The following ELAPOR2 variants were observed in gnomAD, a reference collection of about 807,000 sequenced individuals.
ELAPOR2 encodes the protein endosome/lysosome-associated apoptosis and autophagy regulator family member 2.
Under a neutral mutation model 120.7 loss-of-function variants are expected in ELAPOR2, and 89 were observed. The observed-to-expected ratio is 0.74, with a 90% CI of 0.62 to 0.88. ELAPOR2 has a LOEUF of 0.88. Ranked by LOEUF, ELAPOR2 falls within the 40% of genes least tolerant of loss-of-function variation. ELAPOR2 has a pLI of 0.00. For missense variants in ELAPOR2, 1,134 were observed against 1,251.6 expected, an observed-to-expected ratio of 0.91 and a Z score of 1.42; for synonymous variants, 444 against 444.9, an observed-to-expected ratio of 1.00 and a Z score of 0.03.
chr7:86,980,970 G>C (rs1426212867), intron 1 of ELAPOR2, among the ~76,000 whole-genome samples: 1 of 152,086 alleles, frequency 6.6e-6, no homozygotes, highest in African/African-American at 2.4e-5. Context: ...GACCTTTCTG[G>C]ACTGTATCAC....
chr7:86,924,058 T>C (rs1789947878), intron 10 of ELAPOR2, among the ~76,000 whole-genome samples: 1 of 152,004 alleles, frequency 6.6e-6, no homozygotes. Flanking sequence ...GCCTCTCCAT[T>C]TCACCCTCGT....
Position 86,926,380 on chromosome 7 carries a change from G to A in ELAPOR2, c.1270+356C>T, listed in dbSNP as rs1322872188. Among the ~76,000 whole-genome samples the A allele has an allele frequency of 2.6e-5, 4 of 151,946 alleles. No homozygotes were observed. In the East Asian group the frequency reaches 7.7e-4, roughly 29 times the overall value. On this transcript the variant is annotated intron_variant, in intron 9 of 21. Transcript: ENST00000450689. ...TAAATGTCCTTCTCAATGATGATGA[G>A]CCAGATATTATCCACCATCCTACAG... is the stretch of plus-strand genomic sequence containing the variant.
chr7:86,999,936 C>T (rs941843061), intron 1 of ELAPOR2, among the ~76,000 whole-genome samples: 1 of 152,040 alleles, frequency 6.6e-6, no homozygotes, highest in African/African-American at 2.4e-5. Context: ...AATGTCAACA[C>T]CTAGAAAAGA....
chr7:86,990,741 A>T (rs554520980), intron 1 of ELAPOR2, among the ~76,000 whole-genome samples: 24 of 152,326 alleles, frequency 1.6e-4, no homozygotes, highest in Admixed American at 1.5e-3. Context: ...AAAGTTAGAG[A>T]AATAGCTAGT....
At chr7:86,953,012 C>G (rs1312914884) in intron 2 of ELAPOR2, among the ~76,000 whole-genome samples, 1 of 150,964 alleles carries the variant, frequency 6.6e-6, no homozygotes, top group Non-Finnish European at 1.5e-5. Context: ...ATGAGAATTG[C>G]TTGAGCCTGG....
Position 86,897,559 on chromosome 7 carries a change from A to T in ELAPOR2, c.2632T>A (p.Cys878Ser). The T allele has an allele frequency of 6.2e-7, 1 of 1,613,354 alleles. No individual in the cohort carries two copies. Among genetic ancestry groups the T allele is most frequent in the Non-Finnish European group, 8.5e-7 (1 of 1,179,524 alleles). ...LWESAEACPL[C>S]TEHDFHEIEG... ...ATCTCATGGAAGTCATGCTCCGTAC[A>T]CAGAGGGCAAGCTTCAGCACTCTCC... Residue 878 changes from cysteine to serine, a missense_variant, in exon 19 of 22, where the codon TGT (cysteine) becomes AGT (serine). This residue lies in a region of ELAPOR2 where 831 missense variants were observed against 867.6 expected (regional missense o/e 0.96). Coordinates refer to ENST00000450689, the MANE Select transcript of ELAPOR2 (RefSeq NM_001142749.3).
At chr7:86,968,983 A>G (rs1248708890) in intron 1 of ELAPOR2, among the ~76,000 whole-genome samples, 3 of 152,198 alleles carry the variant, frequency 2.0e-5, no homozygotes, top group African/African-American at 7.2e-5. Context: ...TGCATTGTAA[A>G]TATATGGAAA....
At chr7:87,052,048 T>A (rs1043552828) in intron 1 of ELAPOR2, among the ~76,000 whole-genome samples, 2 of 152,216 alleles carry the variant, frequency 1.3e-5, no homozygotes, top group Non-Finnish European at 2.9e-5. Flanking sequence ...TTTAAGGAGT[T>A]TCTAAGACAC....
chr7:86,966,165 C>G (rs781433308), intron 1 of ELAPOR2, among the ~76,000 whole-genome samples: 3 of 152,144 alleles, frequency 2.0e-5, no homozygotes, highest in Non-Finnish European at 4.4e-5. Context: ...GCTTGGAAAT[C>G]TGCTCAGCTA....
intron 16 of ELAPOR2, among the ~76,000 whole-genome samples, chr7:86,909,521 A>G (rs1789194725): frequency 6.6e-6 from 1 of 152,010 alleles, no homozygotes; most frequent in Non-Finnish European, 1.5e-5. Flanking sequence ...TTTAGTTTTG[A>G]TTTTTAAAAT....
chr7:87,042,673 T>G (rs1289614020), intron 1 of ELAPOR2, among the ~76,000 whole-genome samples: 2 of 151,994 alleles, frequency 1.3e-5, no homozygotes, highest in African/African-American at 2.4e-5. Context: ...GATCCAAAAT[T>G]GGCACCCTAA....
chr7:86,954,358 G>A (rs1289587585), intron 2 of ELAPOR2, among the ~76,000 whole-genome samples: 3 of 152,010 alleles, frequency 2.0e-5, no homozygotes, highest in Admixed American at 2.0e-4. Flanking sequence ...TGTACCACAA[G>A]GCCACATAGT....
At position 86,880,484 on chromosome 7, in the gene ELAPOR2, G is replaced by A. The variant is rs747623809; in HGVS notation, c.3077C>T (p.Ser1026Phe). 2.1e-5 allele frequency: 33 copies of A among 1,609,278 alleles called. No individual in the cohort carries two copies. Among genetic ancestry groups the A allele is most frequent in the Non-Finnish European group, 2.6e-5 (30 of 1,176,094 alleles). ...FESVQLKTSR[S>F]PNI ...AGCACTGTCTCTTCATATATTTGGG[G>A]ATCTTGAGGTTTTCAGTTGAACAGA... The change falls in exon 22 of 22, where the codon TCC becomes TTC. Residue 1026 changes from serine (S) to phenylalanine (F), a missense_variant. Around this residue, in one of 3 missense-constraint regions of ELAPOR2, gnomAD observed 831 missense variants for 867.6 expected, o/e 0.96. Coordinates refer to ENST00000450689, the MANE Select transcript of ELAPOR2 (RefSeq NM_001142749.3).
chr7:86,908,938 T>C (rs539391083), intron 16 of ELAPOR2, among the ~76,000 whole-genome samples: 1 of 152,234 alleles, frequency 6.6e-6, no homozygotes, highest in South Asian at 2.1e-4. Flanking sequence ...TTTACTCATA[T>C]TCAATATAGA....
At chr7:86,977,474 C>T (rs936240066) in intron 1 of ELAPOR2, among the ~76,000 whole-genome samples, 1 of 152,282 alleles carries the variant, frequency 6.6e-6, no homozygotes, top group Middle Eastern at 3.4e-3. Flanking sequence ...CCCAATCTCT[C>T]CCCGTATCTC....
At chr7:86,887,411 A>G (rs2115785198) in intron 21 of ELAPOR2, among the ~76,000 whole-genome samples, 1 of 152,190 alleles carries the variant, frequency 6.6e-6, no homozygotes, top group African/African-American at 2.4e-5. Flanking sequence ...TCCTGGGCAA[A>G]TTGATTACAA....
At chr7:86,993,105 G>A (rs542864932) in intron 1 of ELAPOR2, among the ~76,000 whole-genome samples, 36 of 151,746 alleles carry the variant, frequency 2.4e-4, no homozygotes, top group Middle Eastern at 3.4e-3. Context: ...GCGTGGTGGC[G>A]CGCACCTGCG....
chr7:86,923,093 T>A (rs1226558742), intron 10 of ELAPOR2, among the ~76,000 whole-genome samples: 2 of 152,098 alleles, frequency 1.3e-5, no homozygotes, highest in Non-Finnish European at 2.9e-5. Context: ...TATTTCCTGT[T>A]TTTCTTTCAT....
At chr7:86,918,728 G>T (rs976014074) in intron 11 of ELAPOR2, among the ~76,000 whole-genome samples, 184 bp from the exon 12 acceptor site, 2 of 151,944 alleles carry the variant, frequency 1.3e-5, no homozygotes, top group Non-Finnish European at 2.9e-5. Flanking sequence ...TAGACATTGA[G>T]TCCACATAAC....
Sources: gnomAD v4.1 joint callset for allele counts (sites outside exome capture counted in the v4.1 genomes callset) on GRCh38, gnomAD v4.1.1 for gene constraint, gnomAD v4.1.1 regional missense constraint, MANE v1.5 for transcripts, NCBI Gene and HGNC (gene_info 2026-07-23, HGNC 2026-07-21) for gene names.